TMC4: variants seen among roughly 807,000 people sequenced by gnomAD.
TMC4 encodes the protein transmembrane channel like 4, also known as voltage-gated chloride channel TMC4.
TMC4 carries 70 observed loss-of-function variants against 82.0 expected under a neutral mutation model. The ratio of observed to expected loss-of-function variants is 0.85; its 90% CI spans 0.70 to 1.04. The LOEUF (loss-of-function observed/expected upper bound fraction) is 1.04. TMC4 is among the 50% of genes least tolerant of loss of function. TMC4 has a pLI of 0.00. For missense variants in TMC4, 879 were observed against 899.0 expected (o/e 0.98, Z 0.28); for synonymous variants, 446 against 406.0 (o/e 1.10, Z -1.18).
intron 2 of TMC4, among the ~76,000 whole-genome samples, chr19:54,171,070 T>C (rs1041874504): frequency 4.8e-5 from 7 of 146,840 alleles, no homozygotes; most frequent in Non-Finnish European, 7.4e-5. Context: ...CACATATATA[T>C]ACATATATAT....
intron 3 of TMC4, 68 bp downstream of exon 3, chr19:54,169,444 A>C (rs577795458): frequency 1.5e-5 from 22 of 1,453,316 alleles, no homozygotes; most frequent in South Asian, 9.7e-5. Context: ...GTCCGTCCCC[A>C]GCCCCTCCTC....
Position 54,164,573 on chromosome 19 carries a change from C to A in TMC4, c.974G>T (p.Arg325Leu). Reference protein sequence around the residue: ...KVELEETVVRRQAAVRTLGQQ... With the variant: ...KVELEETVVRLQAAVRTLGQQ... ...GCCCAGCGTCCGCACCGCAGCCTGG[C>A]GCCGCACCACTGTCTCCTCCAGCTC... Residue 325 changes from arginine to leucine, a missense_variant, in exon 7 of 15, where the codon CGC (arginine) becomes CTC (leucine). Coordinates refer to ENST00000619895, the MANE Select transcript of TMC4 (RefSeq NM_144686.4). The A allele has an allele frequency of 6.2e-7, 1 of 1,613,602 alleles. No homozygotes were observed. Among genetic ancestry groups the A allele is most frequent in the Non-Finnish European group, 8.5e-7 (1 of 1,179,990 alleles).
In TMC4 at chr19:54,163,749, G is replaced by A. The variant is rs1351108370; in HGVS notation, c.1252C>T (p.Arg418Cys). Residue 418 changes from arginine (R) to cysteine (C), a missense_variant, in exon 8 of 15, where the codon CGC becomes TGC. Physicochemically the swap from Arg to Cys is radical, Grantham distance 180. Transcript: ENST00000619895. ...CTGAGCAGGATAAAAACGATCTGGC[G>A]ACTCCGAGTGTAGCCCTCCAGTGGA... ...IAPLEGYTRSRQIVFILLRTV... is the reference protein window; with the variant it reads ...IAPLEGYTRSCQIVFILLRTV... 4 of 1,613,832 alleles carry A rather than the reference G, an allele frequency of 2.5e-6. No homozygotes were observed. The highest frequency in any genetic ancestry group is 1.3e-5 in the African/African-American group (1 of 74,814).
At chr19:54,163,974 CTTCT>C (rs2075636697) in intron 7 of TMC4, 87 bp from the exon 8 acceptor site, 74 of 1,079,694 alleles carry the variant, frequency 6.9e-5, no homozygotes, top group East Asian at 3.7e-4. Flanking sequence ...TCTTCTTCTT[CTTCT>C]TTTTTTTTTT....
chr19:54,171,977 ATCCTCC>A lies in TMC4; in HGVS notation c.180_185del (p.Glu60_Glu61del), dbSNP rs762054111. The A allele has an allele frequency of 6.2e-6, 10 of 1,608,646 alleles. No individual in the cohort carries two copies. The highest frequency in any genetic ancestry group is 2.3e-5 in the East Asian group (1 of 44,198). ...TGAAGGCCTTTCTGCTCCTTCCTCCATCCTCCTCCTCCTCCTCCAGCGCCCCCCAAG... is the reference window on the plus strand; with the variant it reads ...TGAAGGCCTTTCTGCTCCTTCCTCCATCCTCCTCCTCCAGCGCCCCCCAAG... On this transcript the variant is annotated inframe_deletion, in exon 2 of 15. Coordinates refer to ENST00000619895, the MANE Select transcript of TMC4 (RefSeq NM_144686.4).
Position 54,165,584 on chromosome 19 carries a change from G to A in TMC4, c.798-18C>T, listed in dbSNP as rs757512253. 1.9e-6 allele frequency: 3 copies of A among 1,589,870 alleles called. No homozygotes were observed. The highest frequency in any genetic ancestry group is 2.6e-6 in the Non-Finnish European group (3 of 1,163,174). On this transcript the variant is annotated intron_variant, in intron 5 of 14. Transcript: ENST00000619895. ...ACACCGAGCTGAGAGGGGAGACCCG[G>A]GAGACGGGAAGTGAAAGGACAGCCA... is the stretch of plus-strand genomic sequence containing the variant.
intron 2 of TMC4, among the ~76,000 whole-genome samples, chr19:54,169,994 G>A (rs932338539): frequency 1.3e-5 from 2 of 151,940 alleles, no homozygotes; most frequent in Non-Finnish European, 2.9e-5. Context: ...CCAGCTACAC[G>A]AGAGGCTGAG....
chr19:54,162,148 G>A lies in TMC4; in HGVS notation c.1640C>T (p.Pro547Leu), dbSNP rs1279832119. ...WVGSFFCPLL[P>L]LLNTVKFLLL... ...CAGGAACTTGACCGTGTTAAGCAGG[G>A]GCAGTAAAGGGCAGAAAAAACTCCC... The change falls in exon 11 of 15, where the codon CCC becomes CTC. Residue 547 changes from proline (P) to leucine (L), a missense_variant. Pro to Leu is a moderately conservative substitution (Grantham distance 98, BLOSUM62 -3). Transcript: ENST00000619895. 3 of 1,613,804 alleles carry A rather than the reference G, an allele frequency of 1.9e-6. No homozygotes were observed. The highest frequency in any genetic ancestry group is 2.5e-6 in the Non-Finnish European group (3 of 1,179,912).
At chr19:54,165,370 G>A (rs549594655) in intron 6 of TMC4, 49 bp downstream of exon 6, 13 of 1,535,250 alleles carry the variant, frequency 8.5e-6, no homozygotes, top group Non-Finnish European at 9.7e-6. Context: ...ATCTCAGCCC[G>A]GTCCTGTCTG....
chr19:54,163,877 A>T lies in TMC4; in HGVS notation c.1124T>A (p.Leu375His). Residue 375 changes from leucine to histidine, a missense_variant, in exon 8 of 15, where the codon CTT becomes CAT. By Grantham distance (99) the Leu-to-His change is moderately conservative (BLOSUM62 -3). Coordinates refer to ENST00000619895, the MANE Select transcript of TMC4 (RefSeq NM_144686.4). ...CTTCAGCAGTGGCAACTCCTGGACA[A>T]GGGGCATCTCCTGGGAGCGGGATGG... The part of the protein sequence containing the change: ...GCTVELQEMP[L>H]VQELPLLKLG... 6.2e-7 allele frequency: 1 copy of T among 1,613,976 alleles called. No individual in the cohort carries two copies. Among genetic ancestry groups the T allele is most frequent in the Non-Finnish European group, 8.5e-7 (1 of 1,179,992 alleles).
chr19:54,165,360 A>T lies in TMC4; in HGVS notation c.945+59T>A, dbSNP rs569875904. 2.3e-5 allele frequency: 34 copies of T among 1,508,416 alleles called. No homozygotes were observed. In the South Asian group the frequency reaches 4.3e-4, roughly 19 times the overall value. The allele number at this position is 1,508,416 out of a possible 1,614,324, so 93.4% of individuals were successfully genotyped here. On this transcript the variant is annotated intron_variant, in intron 6 of 14. Coordinates refer to ENST00000619895, the MANE Select transcript of TMC4 (RefSeq NM_144686.4). ...ATCACCGAGTTAGGCCCTGTGCGTT[A>T]TCTCAGCCCGGTCCTGTCTGGTCCC...
intron 6 of TMC4, 133 bp from the exon 7 acceptor site, chr19:54,164,734 C>A: frequency 8.2e-7 from 1 of 1,212,232 alleles, no homozygotes; most frequent in Non-Finnish European, 1.2e-6. Context: ...CTAACAACCT[C>A]TGCAGTCCTG....
chr19:54,161,381 CAG>C (rs2075550423), intron 11 of TMC4, 121 bp from the exon 12 acceptor site: 2 of 1,163,910 alleles, frequency 1.7e-6, no homozygotes, highest in Non-Finnish European at 1.1e-6. Flanking sequence ...TTTTTTGAGA[CAG>C]AGTCTCGCTC....
Position 54,173,160 on chromosome 19 carries a change from T to C in TMC4, c.-43A>G, listed in dbSNP as rs778767212. The C allele has an allele frequency of 6.3e-7, 1 of 1,593,428 alleles. No homozygotes were observed. The highest frequency in any genetic ancestry group is 1.1e-5 in the South Asian group (1 of 90,332). On this transcript the variant is annotated 5_prime_UTR_variant, in exon 1 of 15. Transcript: ENST00000619895. ...TCTCTAGTGGCCACCAGGCAGACACTGCCCCAGGTAAGGGAGGGGCCAGGG... is the reference window on the plus strand; with the variant it reads ...TCTCTAGTGGCCACCAGGCAGACACCGCCCCAGGTAAGGGAGGGGCCAGGG...
At position 54,162,243 on chromosome 19, in the gene TMC4, C is replaced by A. The variant is rs144865322; in HGVS notation, c.1545G>T (p.Ala515=). ...GLCPGALGRL[A]GTQEFQVPDE... Reference sequence around the variant, plus strand: ...CGGGCACCTGGAACTCTTGGGTCCCCGCCAGACGACCCAGCGCCCCAGGAC... The same window carrying A: ...CGGGCACCTGGAACTCTTGGGTCCCAGCCAGACGACCCAGCGCCCCAGGAC... The change falls in exon 11 of 15, where the codon GCG becomes GCT. Residue 515 remains alanine, a synonymous_variant. Coordinates refer to ENST00000619895, the MANE Select transcript of TMC4 (RefSeq NM_144686.4). 7.3e-5 allele frequency: 117 copies of A among 1,607,858 alleles called. No individual in the cohort carries two copies. In the African/African-American group the frequency reaches 1.4e-3, roughly 20 times the overall value.
At position 54,162,111 on chromosome 19, in the gene TMC4, G is replaced by T. The variant is rs775674628; in HGVS notation, c.1677C>A (p.Tyr559Ter). ...CCCCCCTACCCCTTACCTTCTTCAG[G>T]TAGAAAAGCAGCAGGAACTTGACCG... ...LNTVKFLLLFYLKKLTLFSTC... is the reference protein window; with the variant it reads ...LNTVKFLLLF The change falls in exon 11 of 15, where the codon TAC becomes TAA. Residue 559 changes from tyrosine (Y) to a stop codon, truncating the protein, a stop_gained. Transcript: ENST00000619895. LOFTEE classifies it high-confidence loss of function. 6.2e-7 allele frequency: 1 copy of T among 1,612,152 alleles called. No individual in the cohort carries two copies. The highest frequency in any genetic ancestry group is 8.5e-7 in the Non-Finnish European group (1 of 1,179,104).
In TMC4 at chr19:54,162,675, T is replaced by G; in HGVS notation, c.1500A>C (p.Arg500Ser). 6.2e-7 allele frequency: 1 copy of G among 1,613,492 alleles called. No individual in the cohort carries two copies. The part of the protein sequence containing the change: ...LAVALLIQFP[R>S]KLLCGLCPGA... ...ACAGCAAGGGGCGGGGCTCTCACTT[T>G]CTAGGAAACTGGATGAGCAGCGCGA... Residue 500 changes from arginine to serine, a missense_variant and splice_region_variant, in exon 10 of 15, where the codon AGA becomes AGC. Transcript: ENST00000619895.
chr19:54,168,082 G>A, intron 5 of TMC4, 89 bp downstream of exon 5: 1 of 1,420,238 alleles, frequency 7.0e-7, no homozygotes, highest in Non-Finnish European at 9.5e-7. Context: ...AAAGACTGAG[G>A]ATTCTTGGGG....
intron 8 of TMC4, 105 bp from the exon 9 acceptor site, chr19:54,163,264 C>A: frequency 7.3e-7 from 1 of 1,370,500 alleles, no homozygotes; most frequent in Non-Finnish European, 1.0e-6. Flanking sequence ...ACAGATGAAG[C>A]TGAGGCCCAG....
Sources: allele counts gnomAD v4.1 joint callset (sites outside exome capture counted in the v4.1 genomes callset), GRCh38; gene constraint gnomAD v4.1.1; transcripts MANE v1.5; gene names NCBI Gene and HGNC (gene_info 2026-07-23, HGNC 2026-07-21).